BRIP1: variants seen among roughly 807,000 people sequenced by gnomAD.
The protein encoded by BRIP1 is BRCA1 interacting DNA helicase 1, also known as Fanconi anemia group J protein.
In BRIP1, 88 loss-of-function variants were observed where a neutral mutation model predicts 119.7. The observed-to-expected ratio is 0.74, with a 90% CI of 0.62 to 0.88. The LOEUF (loss-of-function observed/expected upper bound fraction) is 0.88. Among genes scored for constraint, BRIP1 ranks in the 40% least tolerant of loss-of-function variants. The pLI, the probability that BRIP1 is intolerant of heterozygous loss-of-function variation, is 0.00. For synonymous variants in BRIP1, 443 were observed against 496.5 expected (o/e 0.89, Z 1.43); for missense variants, 1,259 against 1,455.4 (o/e 0.87, Z 2.20).
Position 61,834,893 on chromosome 17 carries a change from C to T in BRIP1, c.627+12208G>A, listed in dbSNP as rs561936372. Among the ~76,000 whole-genome samples the T allele has an allele frequency of 2.3e-4, 35 of 152,252 alleles. No individual in the cohort carries two copies. Among genetic ancestry groups the T allele is most frequent in the African/African-American group, 7.0e-4 (29 of 41,528 alleles). On this transcript the variant is annotated intron_variant, in intron 6 of 19. Transcript: ENST00000259008. This position sits in a 1 kb window ranked among gnomAD's most constrained non-coding sequence, Gnocchi z 4.4. ...CCACCTGAGATCAGCAGAAGAAATGCCCAGCTGAGCCCACCCTAAATTGCT... is the reference window on the plus strand; with the variant it reads ...CCACCTGAGATCAGCAGAAGAAATGTCCAGCTGAGCCCACCCTAAATTGCT...
Position 61,693,271 on chromosome 17 carries a change from A to C in BRIP1, c.2575+159T>G, listed in dbSNP as rs1265523695. ...GTTAAGTTTCAGTTATGTAAGATTTAAAAGTTCTAGATATCTGCTGTGAAA... is the reference window on the plus strand; with the variant it reads ...GTTAAGTTTCAGTTATGTAAGATTTCAAAGTTCTAGATATCTGCTGTGAAA... On this transcript the variant is annotated intron_variant, in intron 18 of 19. Coordinates refer to ENST00000259008, the MANE Select transcript of BRIP1 (RefSeq NM_032043.3). This position sits in a 1 kb window ranked among gnomAD's most constrained non-coding sequence, Gnocchi z 4.2. Among the ~76,000 whole-genome samples the C allele has an allele frequency of 1.3e-5, 2 of 152,212 alleles. No homozygotes were observed.
At chr17:61,826,748 A>G (rs1262830109) in intron 6 of BRIP1, among the ~76,000 whole-genome samples, 1 of 150,188 alleles carries the variant, frequency 6.7e-6, no homozygotes, top group Non-Finnish European at 1.5e-5. Context: ...AAAAAAAAAA[A>G]AAAAAAAAAC....
intron 8 of BRIP1, among the ~76,000 whole-genome samples, chr17:61,800,427 ATAGAG>A (rs1398699781): frequency 6.6e-6 from 1 of 152,210 alleles, no homozygotes; most frequent in Non-Finnish European, 1.5e-5. Flanking sequence ...AAAAGCAAAG[ATAGAG>A]TAAAGAACAA....
intron 10 of BRIP1, among the ~76,000 whole-genome samples, chr17:61,786,860 C>A (rs2077720284): frequency 2.6e-5 from 3 of 113,660 alleles, no homozygotes; most frequent in African/African-American, 6.8e-5. Flanking sequence ...AATATATATT[C>A]ATATATGTAT....
At chr17:61,836,787 C>T (rs1028163773) in intron 6 of BRIP1, among the ~76,000 whole-genome samples, 16 of 152,040 alleles carry the variant, frequency 1.1e-4, no homozygotes, top group Non-Finnish European at 7.4e-5. Context: ...AAAAAAGGGA[C>T]GAATCTTGAA....
intron 10 of BRIP1, among the ~76,000 whole-genome samples, chr17:61,790,761 T>C (rs2077804109): frequency 6.6e-6 from 1 of 151,840 alleles, no homozygotes; most frequent in African/African-American, 2.4e-5. Context: ...TGCCTCAGCC[T>C]CCCAAGTAGC....
At chr17:61,777,202 T>A (rs923940091) in intron 13 of BRIP1, among the ~76,000 whole-genome samples, 2 of 152,238 alleles carry the variant, frequency 1.3e-5, no homozygotes, top group Non-Finnish European at 2.9e-5. Flanking sequence ...CTGAAATTTC[T>A]AATTTTTTGA....
chr17:61,744,924 T>C lies in BRIP1; in HGVS notation c.2098-333A>G, dbSNP rs184302403. ...TGGCAATTTCTACCACCACCACCAC[T>C]ACTACTACTACTACTACTATCTTGG... On this transcript the variant is annotated intron_variant, in intron 14 of 19. Coordinates refer to ENST00000259008, the MANE Select transcript of BRIP1 (RefSeq NM_032043.3). This position sits in a 1 kb window ranked among gnomAD's most constrained non-coding sequence, Gnocchi z 5.0. 5.4e-3 allele frequency among the ~76,000 whole-genome samples: 815 copies of C among 150,628 alleles called. 7 individuals are homozygous for C. The highest frequency in any genetic ancestry group is 0.018 in the African/African-American group (756 of 41,244).
At position 61,736,309 on chromosome 17, in the gene BRIP1, C is replaced by A. The variant is rs746896941; in HGVS notation, c.2379+6704G>T. 6.6e-6 allele frequency among the ~76,000 whole-genome samples: 1 copy of A among 151,880 alleles called. No homozygotes were observed. Among genetic ancestry groups the A allele is most frequent in the Non-Finnish European group, 1.5e-5 (1 of 67,976 alleles). ...TGCCACTGCACTCCAACCTGGGCGA[C>A]AGAACAAGACCTTGTCTATAAAATA... On this transcript the variant is annotated intron_variant, in intron 16 of 19. Transcript: ENST00000259008. The surrounding 1 kb of genome is among the most constrained non-coding windows in gnomAD (Gnocchi z 4.4).
In BRIP1 at chr17:61,761,557, C is replaced by T. The variant is rs1357249948; in HGVS notation, c.2097+14844G>A. 6.6e-6 allele frequency among the ~76,000 whole-genome samples: 1 copy of T among 151,880 alleles called. No individual in the cohort carries two copies. The highest frequency in any genetic ancestry group is 1.5e-5 in the Non-Finnish European group (1 of 67,908). On this transcript the variant is annotated intron_variant, in intron 14 of 19. Coordinates refer to ENST00000259008, the MANE Select transcript of BRIP1 (RefSeq NM_032043.3). The surrounding 1 kb of genome is among the most constrained non-coding windows in gnomAD (Gnocchi z 6.4). The stretch of plus-strand genomic sequence containing the variant: ...GTTAGAACTAATAAATGAATAAATA[C>T]AGTAAACTTGCAGGATACAAAATCA...
chr17:61,792,672 C>T (rs940405326), intron 10 of BRIP1, among the ~76,000 whole-genome samples: 3 of 151,880 alleles, frequency 2.0e-5, no homozygotes, highest in South Asian at 2.1e-4. Flanking sequence ...TGGGTGTGGG[C>T]GTGGTGTGGT....
chr17:61,836,551 AT>A (rs1053947747), intron 6 of BRIP1, among the ~76,000 whole-genome samples: 2 of 152,058 alleles, frequency 1.3e-5, no homozygotes, highest in Non-Finnish European at 2.9e-5. Context: ...AACTATGGCC[AT>A]TTTTTTCATT....
In BRIP1 at chr17:61,683,787, T is replaced by C. The variant is rs1430023275; in HGVS notation, c.3259A>G (p.Asn1087Asp). Residue 1087 changes from asparagine to aspartate, a missense_variant, in exon 20 of 20, where the codon AAT (asparagine) becomes GAT (aspartate). This residue lies in a region of BRIP1 where 753 missense variants were observed against 891.8 expected (regional missense o/e 0.84). Coordinates refer to ENST00000259008, the MANE Select transcript of BRIP1 (RefSeq NM_032043.3). The surrounding 1 kb of genome is among the most constrained non-coding windows in gnomAD (Gnocchi z 4.7). ...LKIDATLTRK[N>D]HSEHPLCSEE... ...GAACAGAGCGGATGTTCAGAATGAT[T>C]TTTTCTAGTAAGGGTGGCATCAATC... 1 of 1,614,092 alleles carries C rather than the reference T, an allele frequency of 6.2e-7. No individual in the cohort carries two copies. Among genetic ancestry groups the C allele is most frequent in the Admixed American group, 1.7e-5 (1 of 60,002 alleles).
rs1037529195 is a variant in BRIP1 at position 61,758,577 on chromosome 17, C to T, written c.2098-13986G>A. Among the ~76,000 whole-genome samples the T allele has an allele frequency of 6.6e-6, 1 of 152,100 alleles. No individual in the cohort carries two copies. On this transcript the variant is annotated intron_variant, in intron 14 of 19. Coordinates refer to ENST00000259008, the MANE Select transcript of BRIP1 (RefSeq NM_032043.3). The surrounding 1 kb of genome is among the most constrained non-coding windows in gnomAD (Gnocchi z 5.3). ...AAAATATTTAAATTACAGTGCAGTG[C>T]ATAACAAACATAGAAAGGCCTCAAG...
intron 6 of BRIP1, among the ~76,000 whole-genome samples, chr17:61,838,812 A>C (rs1243905727): frequency 1.3e-5 from 2 of 151,988 alleles, no homozygotes. Context: ...CTGTCAGCAT[A>C]AGAAAAGTTC....
In BRIP1 at chr17:61,709,855, A is replaced by G. The variant is rs765996809; in HGVS notation, c.2492+6096T>C. ...TATTTCATAGACTTATATTACTTCA[A>G]ATACTCTAACAGTCCCATGTGTGCT... On this transcript the variant is annotated intron_variant, in intron 17 of 19. Coordinates refer to ENST00000259008, the MANE Select transcript of BRIP1 (RefSeq NM_032043.3). The surrounding 1 kb of genome is among the most constrained non-coding windows in gnomAD (Gnocchi z 5.0). Among the ~76,000 whole-genome samples the G allele has an allele frequency of 3.3e-5, 5 of 151,220 alleles. No individual in the cohort carries two copies. Among genetic ancestry groups the G allele is most frequent in the Non-Finnish European group, 7.4e-5 (5 of 68,024 alleles).
chr17:61,816,373 T>C lies in BRIP1; in HGVS notation c.628-7616A>G, dbSNP rs796762692. On this transcript the variant is annotated intron_variant, in intron 6 of 19. Coordinates refer to ENST00000259008, the MANE Select transcript of BRIP1 (RefSeq NM_032043.3). The surrounding 1 kb of genome is among the most constrained non-coding windows in gnomAD (Gnocchi z 5.0). ...TGTAACTGAAGTCACTCAAATTCTATTGTGAAGGTTGTAAGCAATATGTTA... is the reference window on the plus strand; with the variant it reads ...TGTAACTGAAGTCACTCAAATTCTACTGTGAAGGTTGTAAGCAATATGTTA... Among the ~76,000 whole-genome samples the C allele has an allele frequency of 2.1e-4, 32 of 152,356 alleles. No individual in the cohort carries two copies. Among genetic ancestry groups the C allele is most frequent in the African/African-American group, 7.5e-4 (31 of 41,588 alleles).
intron 16 of BRIP1, among the ~76,000 whole-genome samples, chr17:61,716,483 G>A (rs1041491944): frequency 2.0e-5 from 3 of 151,562 alleles, no homozygotes; most frequent in Non-Finnish European, 2.9e-5. Context: ...TTTCTGTTTT[G>A]CCCTTTATAG....
In BRIP1 at chr17:61,824,709, A is replaced by G. The variant is rs956648848; in HGVS notation, c.628-15952T>C. ...GCTAAAACCATAAAACTTTTCCAAA[A>G]GCACTGGTGATAAAAAATGGACTTC... On this transcript the variant is annotated intron_variant, in intron 6 of 19. Coordinates refer to ENST00000259008, the MANE Select transcript of BRIP1 (RefSeq NM_032043.3). The surrounding 1 kb of genome is among the most constrained non-coding windows in gnomAD (Gnocchi z 4.3). Among the ~76,000 whole-genome samples the G allele has an allele frequency of 1.3e-5, 2 of 152,236 alleles. No individual in the cohort carries two copies. Among genetic ancestry groups the G allele is most frequent in the Admixed American group, 1.3e-4 (2 of 15,290 alleles).
Sources: allele counts gnomAD v4.1 joint callset (sites outside exome capture counted in the v4.1 genomes callset), GRCh38; gene constraint gnomAD v4.1.1; regional missense constraint gnomAD v4.1.1; non-coding constraint Gnocchi (gnomAD v3.1); transcripts MANE v1.5; gene names NCBI Gene and HGNC (gene_info 2026-07-23, HGNC 2026-07-21).